The following MAPK10 variants were observed in gnomAD, a reference collection of about 807,000 sequenced individuals.
The protein encoded by MAPK10 is JNK3 alpha protein kinase.
MAPK10 carries 25 observed loss-of-function variants against 59.3 expected under a neutral mutation model. That is an observed-to-expected ratio of 0.42 (90% CI 0.31 to 0.59). The LOEUF (loss-of-function observed/expected upper bound fraction) is 0.59. Among genes scored for constraint, MAPK10 ranks in the 20% least tolerant of loss-of-function variants. MAPK10 has a pLI of 0.15. For missense variants in MAPK10, 351 were observed against 568.9 expected, an observed-to-expected ratio of 0.62 and a Z score of 3.90; for synonymous variants, 190 against 200.5, an observed-to-expected ratio of 0.95 and a Z score of 0.44.
At chr4:86,110,695 A>G (rs904815963) in intron 4 of MAPK10, among the ~76,000 whole-genome samples, 1 of 152,120 alleles carries the variant, frequency 6.6e-6, no homozygotes, top group Non-Finnish European at 1.5e-5. Flanking sequence ...CTTTTTGCTT[A>G]GGATTGTCTT....
intron 2 of MAPK10, among the ~76,000 whole-genome samples, 199 bp downstream of exon 2, chr4:86,354,331 G>C (rs893210225): frequency 6.6e-6 from 1 of 152,076 alleles, no homozygotes; most frequent in Admixed American, 6.6e-5. Context: ...TGCACCTCAA[G>C]ACTTTTCACT....
chr4:86,537,175 G>A (rs1758311460), intron 1 of MAPK10, among the ~76,000 whole-genome samples: 1 of 152,182 alleles, frequency 6.6e-6, no homozygotes, highest in Non-Finnish European at 1.5e-5. Flanking sequence ...GTTGTGAGAG[G>A]TGATGATGGT....
intron 1 of MAPK10, among the ~76,000 whole-genome samples, chr4:86,463,958 A>G (rs939574560): frequency 6.6e-6 from 1 of 152,250 alleles, no homozygotes; most frequent in African/African-American, 2.4e-5. Context: ...AAGATCTTGT[A>G]GAGTGGCTTT....
At chr4:86,316,190 T>C (rs975198635) in intron 2 of MAPK10, among the ~76,000 whole-genome samples, 1 of 152,130 alleles carries the variant, frequency 6.6e-6, no homozygotes, top group Non-Finnish European at 1.5e-5. Context: ...GAAAAAGAGA[T>C]AGCAAATGGA....
intron 3 of MAPK10, among the ~76,000 whole-genome samples, chr4:86,165,874 T>C (rs907397766): frequency 6.6e-6 from 1 of 152,146 alleles, no homozygotes; most frequent in Non-Finnish European, 1.5e-5. Flanking sequence ...GGCCTAGAGA[T>C]GGTTATTCTA....
chr4:86,126,235 T>C (rs1176013956), intron 4 of MAPK10, among the ~76,000 whole-genome samples: 1 of 152,144 alleles, frequency 6.6e-6, no homozygotes, highest in Non-Finnish European at 1.5e-5. Context: ...GTTACTGCTC[T>C]GTCCCTCTTT....
intron 1 of MAPK10, among the ~76,000 whole-genome samples, chr4:86,448,398 T>C (rs2149052856): frequency 7.7e-6 from 1 of 129,754 alleles, no homozygotes; most frequent in Middle Eastern, 4.1e-3. Flanking sequence ...AAAAGAATTC[T>C]GGGTTTTTTT....
At position 86,012,913 on chromosome 4, in the gene MAPK10, G is replaced by GTAA. The variant is rs1741807583; in HGVS notation, c.*4312_*4314dup. ...TGACACAAGACAATTCTCATCATTG[G>GTAA]TAATAGTCTTTGGAGTCCAATCATG... On this transcript the variant is annotated 3_prime_UTR_variant, in exon 14 of 14. Transcript: ENST00000641462. 1 of 152,170 alleles carries GTAA rather than the reference G, an allele frequency of 6.6e-6. No homozygotes were observed. Among genetic ancestry groups the GTAA allele is most frequent in the Non-Finnish European group, 1.5e-5 (1 of 68,026 alleles). 9.4% of individuals were successfully genotyped at this position (152,170 alleles called of 1,614,324 possible). A position where few individuals can be genotyped will look rare whatever the true frequency, so the allele number is the denominator to read the frequency against.
At chr4:86,171,799 A>C (rs1240306344) in intron 3 of MAPK10, among the ~76,000 whole-genome samples, 1 of 151,090 alleles carries the variant, frequency 6.6e-6, no homozygotes, top group African/African-American at 2.5e-5. Context: ...CAACCTACAA[A>C]ATGGGAGAAA....
At chr4:86,473,967 T>C (rs958325290) in intron 1 of MAPK10, among the ~76,000 whole-genome samples, 1 of 152,098 alleles carries the variant, frequency 6.6e-6, no homozygotes, top group Non-Finnish European at 1.5e-5. Flanking sequence ...CCTGGCAACA[T>C]AGTGAGACTT....
intron 2 of MAPK10, among the ~76,000 whole-genome samples, chr4:86,333,093 A>G (rs2096193301): frequency 6.6e-6 from 1 of 152,178 alleles, no homozygotes; most frequent in South Asian, 2.1e-4. Flanking sequence ...CTACAGGCGC[A>G]TGCCACTGCA....
chr4:86,542,622 C>T (rs1396155817), intron 1 of MAPK10: 12 of 154,284 alleles, frequency 7.8e-5, no homozygotes, highest in Admixed American at 1.3e-4. Context: ...AAAAAAGAAA[C>T]TCCCTATGAT....
intron 3 of MAPK10, among the ~76,000 whole-genome samples, chr4:86,169,437 T>A (rs2073234729): frequency 6.6e-6 from 1 of 152,176 alleles, no homozygotes; most frequent in South Asian, 2.1e-4. Context: ...CAGGAGCCGA[T>A]GCGATCAACT....
intron 1 of MAPK10, among the ~76,000 whole-genome samples, chr4:86,564,705 T>TAA (rs1252007247): frequency 6.6e-6 from 1 of 152,096 alleles, no homozygotes; most frequent in Non-Finnish European, 1.5e-5. Flanking sequence ...ACCACCTTTT[T>TAA]AAGGAGGTGA....
At chr4:86,464,751 T>G (rs1579308964) in intron 1 of MAPK10, among the ~76,000 whole-genome samples, 1 of 148,934 alleles carries the variant, frequency 6.7e-6, no homozygotes, top group Admixed American at 6.7e-5. Context: ...ACCCAGGAGG[T>G]GGCGCTTGCA....
chr4:86,339,620 A>G (rs929266161), intron 2 of MAPK10, among the ~76,000 whole-genome samples: 2 of 152,150 alleles, frequency 1.3e-5, no homozygotes, highest in Admixed American at 6.5e-5. Context: ...ATTTTGTTTC[A>G]CCATTCTCTC....
At chr4:86,171,280 C>T (rs2074039733) in intron 3 of MAPK10, among the ~76,000 whole-genome samples, 3 of 152,034 alleles carry the variant, frequency 2.0e-5, no homozygotes, top group Non-Finnish European at 2.9e-5. Context: ...ATTAATGAAC[C>T]TAGGAGCTGG....
At chr4:86,174,505 A>G (rs1435608965) in intron 3 of MAPK10, among the ~76,000 whole-genome samples, 2 of 152,168 alleles carry the variant, frequency 1.3e-5, no homozygotes, top group African/African-American at 4.8e-5. Context: ...ACAAATAGCT[A>G]ATGCATGTGG....
intron 1 of MAPK10, among the ~76,000 whole-genome samples, chr4:86,540,414 C>G (rs1174546298): frequency 6.6e-6 from 1 of 152,118 alleles, no homozygotes; most frequent in African/African-American, 2.4e-5. Context: ...GTGGAAGGAT[C>G]GCTTGAGCCC....
Sources: allele counts gnomAD v4.1 joint callset (sites outside exome capture counted in the v4.1 genomes callset), GRCh38; gene constraint gnomAD v4.1.1; transcripts MANE v1.5; gene names NCBI Gene and HGNC (gene_info 2026-07-23, HGNC 2026-07-21).